Variants in HNF4G observed in about 807,000 individuals in gnomAD.
The protein encoded by HNF4G is hepatocyte nuclear factor 4-gamma.
In HNF4G, 21 loss-of-function variants were observed where a neutral mutation model predicts 50.9. The observed-to-expected ratio is 0.41, with a 90% confidence interval of 0.29 to 0.59. The LOEUF (loss-of-function observed/expected upper bound fraction) is 0.59. HNF4G is among the 20% of genes least tolerant of loss of function. HNF4G has a pLI of 0.26. For missense variants in HNF4G, 527 were observed against 559.4 expected, an observed-to-expected ratio of 0.94 and a Z score of 0.58; for synonymous variants, 198 against 185.6, an observed-to-expected ratio of 1.07 and a Z score of -0.54.
At chr8:75,427,851 C>T (rs78726044) in intron 1 of HNF4G, among the ~76,000 whole-genome samples, 3 of 151,796 alleles carry the variant, frequency 2.0e-5, no homozygotes, top group African/African-American at 7.3e-5. Flanking sequence ...TTTATTAATG[C>T]AAGTGAACCC....
intron 1 of HNF4G, among the ~76,000 whole-genome samples, chr8:75,470,686 G>T (rs1392995880): frequency 4.6e-5 from 7 of 152,254 alleles, no homozygotes; most frequent in African/African-American, 1.7e-4. Flanking sequence ...CTAAAGTCTG[G>T]ATATCTTGTT....
chr8:75,433,557 C>CAGTAGT lies in HNF4G; in HGVS notation c.-144+25409_-144+25414dup, dbSNP rs143952455. Among the ~76,000 whole-genome samples, 742 of 151,496 alleles carry CAGTAGT rather than the reference C, an allele frequency of 4.9e-3. 6 individuals carry two copies. Among genetic ancestry groups the CAGTAGT allele is most frequent in the African/African-American group, 0.017 (704 of 41,292 alleles). On this transcript the variant is annotated intron_variant, in intron 1 of 10. Coordinates refer to the HNF4G transcript ENST00000354370. ...TTAAATGTTTTACTATTACTATTAT[C>CAGTAGT]AGTAGTAGTAGTAGTAGTAATAGAG... is the stretch of plus-strand genomic sequence containing the variant.
chr8:75,449,599 A>C (rs1482464241), intron 1 of HNF4G, among the ~76,000 whole-genome samples: 30 of 144,364 alleles, frequency 2.1e-4, no homozygotes, highest in East Asian at 1.2e-3. Flanking sequence ...CTCCGCCTCC[A>C]GGGTTCACGC....
At chr8:75,476,539 T>C (rs1812245353) in intron 1 of HNF4G, among the ~76,000 whole-genome samples, 1 of 152,266 alleles carries the variant, frequency 6.6e-6, no homozygotes, top group African/African-American at 2.4e-5. Context: ...CTTTTTATTA[T>C]GGCAAAATTA....
intron 1 of HNF4G, among the ~76,000 whole-genome samples, chr8:75,453,311 G>T (rs113150717): frequency 6.6e-6 from 1 of 151,998 alleles, no homozygotes; most frequent in African/African-American, 2.4e-5. Context: ...CTGTAAAAAC[G>T]CACCAGTCAG....
intron 1 of HNF4G, among the ~76,000 whole-genome samples, chr8:75,425,875 G>T (rs1810881175): frequency 6.6e-6 from 1 of 151,954 alleles, no homozygotes; most frequent in South Asian, 2.1e-4. Flanking sequence ...TCTTTTACTG[G>T]ACTTGACACT....
intron 2 of HNF4G, among the ~76,000 whole-genome samples, chr8:75,509,498 A>G (rs993696887): frequency 2.0e-5 from 3 of 152,218 alleles, no homozygotes; most frequent in African/African-American, 7.2e-5. Context: ...GTATTTTAAT[A>G]AGCATTGTCA....
At chr8:75,418,708 GTCTC>G (rs1022832599) in intron 1 of HNF4G, among the ~76,000 whole-genome samples, 10 of 147,004 alleles carry the variant, frequency 6.8e-5, no homozygotes, top group African/African-American at 2.5e-4. Flanking sequence ...CTAGTGATAA[GTCTC>G]TCTCTCTCTC....
At chr8:75,458,951 T>C (rs752845449) in intron 1 of HNF4G, among the ~76,000 whole-genome samples, 1 of 152,194 alleles carries the variant, frequency 6.6e-6, no homozygotes, top group Non-Finnish European at 1.5e-5. Flanking sequence ...TCAGTAATGG[T>C]CTTTATCTCA....
chr8:75,423,783 T>G (rs1169307634), intron 1 of HNF4G, among the ~76,000 whole-genome samples: 1 of 149,718 alleles, frequency 6.7e-6, no homozygotes, highest in African/African-American at 2.4e-5. Context: ...CACATATACT[T>G]CCTTCTTTGA....
rs1428053562 is a variant in HNF4G at position 75,540,845 on chromosome 8, A to ATGTGTGTGTGTGTG, written c.118+770_118+771insGTGTGTGTGTGTGT. Among the ~76,000 whole-genome samples, 367 of 93,290 alleles carry ATGTGTGTGTGTGTG rather than the reference A, an allele frequency of 3.9e-3. 2 individuals carry two copies. The highest frequency in any genetic ancestry group is 0.018 in the African/African-American group (350 of 19,894). 61.2% of individuals were successfully genotyped at this position (93,290 alleles called of 152,430 possible). On this transcript the variant is annotated intron_variant, in intron 1 of 9. Transcript: ENST00000396423. ...CGAGTAATTATGTATACTTTGGAAA[A>ATGTGTGTGTGTGTG]TGTGTATGTGTGTGTGTGTGTGTGT...
At position 75,559,637 on chromosome 8, in the gene HNF4G, G is replaced by C. The variant is rs537863057; in HGVS notation, c.1123+600G>C. Reference sequence around the variant, plus strand: ...ACAGTCCCTCTGACTTAAATTTTCAGATCCTTCCAAACATGGCAAAGAGAA... The same window carrying C: ...ACAGTCCCTCTGACTTAAATTTTCACATCCTTCCAAACATGGCAAAGAGAA... On this transcript the variant is annotated intron_variant, in intron 8 of 9. Coordinates refer to ENST00000396423, the MANE Select transcript of HNF4G (RefSeq NM_004133.5). 1.9e-4 allele frequency among the ~76,000 whole-genome samples: 29 copies of C among 152,164 alleles called. No homozygotes were observed. In the South Asian group the frequency reaches 5.6e-3, roughly 29 times the overall value.
At chr8:75,518,094 C>T (rs1004858062) in intron 2 of HNF4G, among the ~76,000 whole-genome samples, 6 of 150,540 alleles carry the variant, frequency 4.0e-5, no homozygotes, top group Non-Finnish European at 5.9e-5. Context: ...CCCATTAACT[C>T]GTCATTTAGC....
At chr8:75,556,150 A>T in intron 6 of HNF4G, 81 bp downstream of exon 6, 1 of 627,308 alleles carries the variant, frequency 1.6e-6, no homozygotes, top group Non-Finnish European at 2.6e-6. Context: ...TTCTGTATGT[A>T]CCAAGTATTT....
chr8:75,449,936 C>T (rs1477022638), intron 1 of HNF4G, among the ~76,000 whole-genome samples: 1 of 152,100 alleles, frequency 6.6e-6, no homozygotes, highest in African/African-American at 2.4e-5. Flanking sequence ...ACTATAGCCC[C>T]CCGATGTATG....
chr8:75,515,218 T>C (rs987235727), intron 2 of HNF4G, among the ~76,000 whole-genome samples: 2 of 152,202 alleles, frequency 1.3e-5, no homozygotes, highest in Non-Finnish European at 2.9e-5. Flanking sequence ...TTTGTGCATA[T>C]TTTTTGTATT....
rs1807412641 is a variant in HNF4G at position 75,564,757 on chromosome 8, C to T, written c.*661C>T. 2 of 152,130 alleles carry T rather than the reference C, an allele frequency of 1.3e-5. No individual in the cohort carries two copies. Among genetic ancestry groups the T allele is most frequent in the African/African-American group, 2.4e-5 (1 of 41,446 alleles). 9.4% of individuals were successfully genotyped at this position (152,130 alleles called of 1,614,324 possible). ...ATGTATGTTAAGCAAAAACATGTTG[C>T]TTTTATCAGTTAGGATACAGGGTGA... On this transcript the variant is annotated 3_prime_UTR_variant, in exon 10 of 10. Coordinates refer to ENST00000396423, the MANE Select transcript of HNF4G (RefSeq NM_004133.5).
intron 2 of HNF4G, among the ~76,000 whole-genome samples, chr8:75,545,733 C>A (rs1806758630): frequency 6.6e-6 from 1 of 151,972 alleles, no homozygotes; most frequent in Non-Finnish European, 1.5e-5. Context: ...ACATTATGTA[C>A]AATTTGTATG....
At chr8:75,523,614 A>T (rs145794155) in intron 2 of HNF4G, among the ~76,000 whole-genome samples, 271 of 152,254 alleles carry the variant, frequency 1.8e-3, no homozygotes, top group Non-Finnish European at 2.8e-3. Context: ...GGAAACTGGT[A>T]TGTGTAATAG....
Sources: gnomAD v4.1 joint callset for allele counts (sites outside exome capture counted in the v4.1 genomes callset) on GRCh38, gnomAD v4.1.1 for gene constraint, MANE v1.5 for transcripts, NCBI Gene and HGNC (gene_info 2026-07-23, HGNC 2026-07-21) for gene names.